The following ALPL variants were observed in gnomAD, a reference collection of about 807,000 sequenced individuals.
ALPL encodes alkaline phosphatase, tissue-nonspecific isozyme.
A neutral mutation model predicts 51.3 loss-of-function variants in ALPL; 42 were observed. That is an observed-to-expected ratio of 0.82 (90% CI 0.64 to 1.06). The LOEUF (loss-of-function observed/expected upper bound fraction) is 1.06. ALPL is among the 50% of genes least tolerant of loss of function. The pLI, the probability that ALPL is intolerant of heterozygous loss-of-function variation, is 0.00. For missense variants in ALPL, 589 were observed against 709.4 expected, an observed-to-expected ratio of 0.83 and a Z score of 1.93; for synonymous variants, 279 against 296.4, an observed-to-expected ratio of 0.94 and a Z score of 0.60.
At chr1:21,563,069 G>T in intron 4 of ALPL, 41 bp from the exon 5 acceptor site, 1 of 1,611,668 alleles carries the variant, frequency 6.2e-7, no homozygotes. Context: ...CCACTGGGGC[G>T]AAGGCCTGGC....
intron 1 of ALPL, among the ~76,000 whole-genome samples, chr1:21,530,600 CTCTT>C (rs1644014564): frequency 6.6e-6 from 1 of 152,072 alleles, no homozygotes; most frequent in Non-Finnish European, 1.5e-5. Context: ...GATTGGGCCT[CTCTT>C]TCAGACCCCA....
chr1:21,565,828 TAAAA>T (rs941869657), intron 6 of ALPL, among the ~76,000 whole-genome samples: 2 of 138,398 alleles, frequency 1.4e-5, no homozygotes, highest in Non-Finnish European at 3.1e-5. Flanking sequence ...TACTGTTGCT[TAAAA>T]AAAAAAAAGA....
At chr1:21,568,612 G>A (rs914948291) in intron 7 of ALPL, among the ~76,000 whole-genome samples, 1 of 152,102 alleles carries the variant, frequency 6.6e-6, no homozygotes, top group Non-Finnish European at 1.5e-5. Flanking sequence ...CTGCATGGGG[G>A]ACGCCTGGCT....
At chr1:21,575,588 G>A (rs1644715924) in intron 9 of ALPL, 145 bp from the exon 10 acceptor site, 2 of 958,290 alleles carry the variant, frequency 2.1e-6, no homozygotes, top group Admixed American at 2.0e-5. Flanking sequence ...TGCCTAGGCT[G>A]TGGTGCTAGC....
intron 11 of ALPL, 37 bp downstream of exon 11, chr1:21,576,678 G>C (rs750498951): frequency 1.2e-6 from 2 of 1,612,268 alleles, no homozygotes; most frequent in African/African-American, 1.3e-5. Context: ...GAGGGGACAG[G>C]GCACCCCTCG....
Position 21,518,864 on chromosome 1 carries a change from C to T in ALPL, c.-105+9347C>T, listed in dbSNP as rs558576953. ...CACTGTGACAGTGGGACCACCTGGG[C>T]CCTACAGTGTGGCAAAACCGACCCG... On this transcript the variant is annotated intron_variant, in intron 1 of 11. Transcript: ENST00000374840. 5.4e-4 allele frequency among the ~76,000 whole-genome samples: 82 copies of T among 152,190 alleles called. 1 individual carries two copies. Among genetic ancestry groups the T allele is most frequent in the Admixed American group, 3.3e-3 (51 of 15,276 alleles).
At chr1:21,520,053 T>C (rs1281408930) in intron 1 of ALPL, among the ~76,000 whole-genome samples, 2 of 152,210 alleles carry the variant, frequency 1.3e-5, no homozygotes, top group East Asian at 1.9e-4. Flanking sequence ...CCATTGACCT[T>C]GGACAAGTCA....
intron 1 of ALPL, among the ~76,000 whole-genome samples, chr1:21,513,920 C>T (rs1643741737): frequency 6.6e-6 from 1 of 152,178 alleles, no homozygotes; most frequent in Non-Finnish European, 1.5e-5. Flanking sequence ...CTCACACTTG[C>T]CCACCTGCCT....
chr1:21,549,849 A>G (rs1470065491), intron 1 of ALPL, among the ~76,000 whole-genome samples: 1 of 152,234 alleles, frequency 6.6e-6, no homozygotes, highest in Non-Finnish European at 1.5e-5. Context: ...TTCAGAGTCC[A>G]GAATGCTAAC....
At chr1:21,575,609 G>T in intron 9 of ALPL, 124 bp from the exon 10 acceptor site, 1 of 1,167,050 alleles carries the variant, frequency 8.6e-7, no homozygotes. Context: ...TCAGAGTGGT[G>T]CCCGGCGAAG....
intron 1 of ALPL, among the ~76,000 whole-genome samples, chr1:21,515,149 T>G (rs1643769901): frequency 6.6e-6 from 1 of 152,198 alleles, no homozygotes; most frequent in Admixed American, 6.5e-5. Context: ...GTCTGCAAAC[T>G]GCTGGGCAGA....
chr1:21,556,102 C>A (rs144168316), intron 2 of ALPL, among the ~76,000 whole-genome samples: 1 of 152,082 alleles, frequency 6.6e-6, no homozygotes, highest in African/African-American at 2.4e-5. Flanking sequence ...TGGAGATTCA[C>A]GCGGAAGTGT....
At chr1:21,554,795 GTCTGTCTGTCTGTCTGTCTGTCTTTCTT>G (rs1458398406) in intron 2 of ALPL, among the ~76,000 whole-genome samples, 7 of 38,976 alleles carry the variant, frequency 1.8e-4, no homozygotes, top group East Asian at 7.1e-4. Flanking sequence ...TGGCCTGTCT[GTCTGTCTGTCTGTCTGTCTGTCTTTCTT>G]TCTTTCTTTC....
In ALPL at chr1:21,519,048, A is replaced by G. The variant is rs139183208; in HGVS notation, c.-105+9531A>G. ...CTTTGTAATGCAACAAGCGCTACTC[A>G]GCTCAGATCCAGTGGGACACAGGGA... On this transcript the variant is annotated intron_variant, in intron 1 of 11. Coordinates refer to ENST00000374840, the MANE Select transcript of ALPL (RefSeq NM_000478.6). 2.5e-3 allele frequency among the ~76,000 whole-genome samples: 374 copies of G among 152,360 alleles called. 1 individual carries two copies. The highest frequency in any genetic ancestry group is 8.6e-3 in the African/African-American group (357 of 41,590).
Position 21,564,194 on chromosome 1 carries a change from T to C in ALPL, c.626T>C (p.Met209Thr). 2 of 1,613,918 alleles carry C rather than the reference T, an allele frequency of 1.2e-6. No individual in the cohort carries two copies. The highest frequency in any genetic ancestry group is 1.7e-6 in the Non-Finnish European group (2 of 1,179,970). ...QGCKDIAYQL[M>T]HNIRDIDVIM... Reference sequence around the variant, plus strand: ...TGTAAGGACATCGCCTACCAGCTCATGCATAACATCAGGGACATTGACGTG... The same window carrying C: ...TGTAAGGACATCGCCTACCAGCTCACGCATAACATCAGGGACATTGACGTG... The change falls in exon 6 of 12, where the codon ATG becomes ACG. Residue 209 changes from methionine to threonine, a missense_variant. Transcript: ENST00000374840. The surrounding 1 kb of genome is among the most constrained non-coding windows in gnomAD (Gnocchi z 5.8).
chr1:21,571,514 T>C (rs1183077115), intron 8 of ALPL, among the ~76,000 whole-genome samples: 2 of 151,220 alleles, frequency 1.3e-5, no homozygotes, highest in African/African-American at 2.4e-5. Flanking sequence ...CTACTAAAAA[T>C]ACAAAAAATT....
At chr1:21,521,246 G>C (rs1643880400) in intron 1 of ALPL, among the ~76,000 whole-genome samples, 2 of 152,054 alleles carry the variant, frequency 1.3e-5, no homozygotes, top group Admixed American at 1.3e-4. Flanking sequence ...GTACAACGGC[G>C]CGATCTCGGC....
intron 1 of ALPL, among the ~76,000 whole-genome samples, chr1:21,532,741 T>C (rs1237958327): frequency 6.6e-6 from 1 of 152,178 alleles, no homozygotes; most frequent in East Asian, 1.9e-4. Context: ...TTCCAGCAGC[T>C]TAGACTTCCT....
At position 21,577,103 on chromosome 1, in the gene ALPL, C is replaced by T. The variant is rs376228071; in HGVS notation, c.1310-280C>T. ...GGTTCTAGGGGGTCTAAAGATGCAGCAATGGTAAGAGTCTCCCCGTCAACT... is the reference window on the plus strand; with the variant it reads ...GGTTCTAGGGGGTCTAAAGATGCAGTAATGGTAAGAGTCTCCCCGTCAACT... On this transcript the variant is annotated intron_variant, in intron 11 of 11. Transcript: ENST00000374840. Among the ~76,000 whole-genome samples, 6 of 152,268 alleles carry T rather than the reference C, an allele frequency of 3.9e-5. No individual in the cohort carries two copies. In the East Asian group the frequency reaches 1.2e-3, roughly 29 times the overall value.
Sources: gnomAD v4.1 joint callset for allele counts (sites outside exome capture counted in the v4.1 genomes callset) on GRCh38, gnomAD v4.1.1 for gene constraint, Gnocchi (gnomAD v3.1) non-coding constraint, MANE v1.5 for transcripts, NCBI Gene and HGNC (gene_info 2026-07-23, HGNC 2026-07-21) for gene names.